COPG2: variants seen among roughly 807,000 people sequenced by gnomAD.
The protein encoded by COPG2 is coat protein complex I subunit gamma 2.
COPG2 carries 37 observed loss-of-function variants against 46.3 expected under a neutral mutation model. The observed-to-expected ratio is 0.80, with a 90% CI of 0.61 to 1.05. COPG2 has a LOEUF of 1.05. COPG2 is among the 50% of genes least tolerant of loss of function. The probability of loss-of-function intolerance (pLI) is 0.00; values close to 1 mark genes in which losing one functional copy is unlikely to be tolerated. For synonymous variants in COPG2, 159 were observed against 129.7 expected (o/e 1.23, Z -1.53); for missense variants, 427 against 387.8 (o/e 1.10, Z -0.85).
chr7:130,534,187 G>T (rs1262365703), intron 20 of COPG2, among the ~76,000 whole-genome samples: 1 of 152,144 alleles, frequency 6.6e-6, no homozygotes, highest in African/African-American at 2.4e-5. Flanking sequence ...GAGGCCCTTA[G>T]GAGAAAATGG....
Position 130,524,406 on chromosome 7 carries a change from A to G in COPG2, c.2150-15747T>C, listed in dbSNP as rs1017302197. Among the ~76,000 whole-genome samples the G allele has an allele frequency of 1.2e-4, 18 of 152,292 alleles. No individual in the cohort carries two copies. In the East Asian group the frequency reaches 2.3e-3, roughly 20 times the overall value. On this transcript the variant is annotated intron_variant, in intron 20 of 23. Coordinates refer to ENST00000425248, the MANE Select transcript of COPG2 (RefSeq NM_012133.6). ...TGCAGTAGAGGAGGAAAGCAGGAGA[A>G]ACGACCAACCTGCGCCCCAGGGGCT...
intron 20 of COPG2, chr7:130,509,366 A>G (rs1554440712): frequency 2.1e-6 from 1 of 467,926 alleles, no homozygotes; most frequent in Admixed American, 2.3e-5. Context: ...GTATTTTCTG[A>G]AATGTTTGAA....
At chr7:130,657,223 TCTC>T (rs1251061220) in intron 4 of COPG2, among the ~76,000 whole-genome samples, 7 of 152,040 alleles carry the variant, frequency 4.6e-5, no homozygotes, top group South Asian at 2.1e-4. Flanking sequence ...ATCTTCATCA[TCTC>T]CTCCCCCTCC....
intron 13 of COPG2, 132 bp from the exon 14 acceptor site, chr7:130,554,856 T>A (rs1793594757): frequency 2.5e-6 from 1 of 397,626 alleles, no homozygotes; most frequent in East Asian, 3.6e-5. Context: ...AAAAGTGTTT[T>A]TTCTCCAAGT....
chr7:130,548,499 C>A lies in COPG2; in HGVS notation c.1881G>T (p.Leu627Phe), dbSNP rs954214225. The stretch of plus-strand genomic sequence containing the variant: ...GTTGAACAGGCTCAGAAGACTTGAA[C>A]AAGGGTCCTATATTCAGAAACTCAG... ...AIPEFLNIGP[L>F]FKSSEPVQLT... Residue 627 changes from leucine (L) to phenylalanine (F), a missense_variant, in exon 19 of 24, where the codon TTG becomes TTT. Transcript: ENST00000425248. 12 of 398,426 alleles carry A rather than the reference C, an allele frequency of 3.0e-5. No homozygotes were observed. Among genetic ancestry groups the A allele is most frequent in the Non-Finnish European group, 2.7e-5 (6 of 226,052 alleles). 24.7% of individuals were successfully genotyped at this position (398,426 alleles called of 1,614,324 possible).
intron 5 of COPG2, among the ~76,000 whole-genome samples, chr7:130,647,024 T>C (rs892689859): frequency 7.7e-5 from 11 of 142,894 alleles, no homozygotes; most frequent in African/African-American, 2.6e-4. Context: ...TATATATATA[T>C]GTGTATATAT....
chr7:130,612,027 C>A (rs967200507), intron 8 of COPG2, 125 bp downstream of exon 8: 2 of 681,548 alleles, frequency 2.9e-6, no homozygotes, highest in African/African-American at 1.8e-5. Flanking sequence ...CTTCAGAATA[C>A]GTACTAGTAG....
At chr7:130,544,928 A>AT (rs1323450619) in intron 20 of COPG2, among the ~76,000 whole-genome samples, 1 of 152,062 alleles carries the variant, frequency 6.6e-6, no homozygotes, top group East Asian at 1.9e-4. Flanking sequence ...GTTAAAGCAA[A>AT]TTTTTTCAGA....
chr7:130,565,892 G>A (rs1793794769), intron 9 of COPG2, among the ~76,000 whole-genome samples: 1 of 151,690 alleles, frequency 6.6e-6, no homozygotes, highest in South Asian at 2.1e-4. Context: ...TAAACCAGCT[G>A]ATGAAAATAA....
intron 5 of COPG2, among the ~76,000 whole-genome samples, chr7:130,638,775 T>A (rs1330045198): frequency 6.6e-6 from 1 of 151,020 alleles, no homozygotes; most frequent in Non-Finnish European, 1.5e-5. Context: ...CACTGAGGTA[T>A]GAAAAAAAAA....
intron 9 of COPG2, 63 bp from the exon 10 acceptor site, chr7:130,564,456 A>G (rs1793770424): frequency 2.5e-6 from 1 of 398,268 alleles, no homozygotes; most frequent in Non-Finnish European, 4.4e-6. Context: ...ATGCATAGGG[A>G]TTAAAAGCAC....
At chr7:130,666,292 T>G (rs947743478) in intron 3 of COPG2, among the ~76,000 whole-genome samples, 1 of 152,232 alleles carries the variant, frequency 6.6e-6, no homozygotes, top group African/African-American at 2.4e-5. Flanking sequence ...GATCTTGCAC[T>G]GTATTTTCAG....
intron 5 of COPG2, among the ~76,000 whole-genome samples, chr7:130,639,447 C>T (rs1392934947): frequency 6.6e-6 from 1 of 152,152 alleles, no homozygotes; most frequent in Non-Finnish European, 1.5e-5. Context: ...TTCCAATCAA[C>T]AGATACCAAC....
chr7:130,600,402 A>G (rs782449961), intron 9 of COPG2, among the ~76,000 whole-genome samples: 5 of 152,188 alleles, frequency 3.3e-5, no homozygotes, highest in Non-Finnish European at 5.9e-5. Context: ...CTGGGACTAC[A>G]GGAACGTGCC....
At chr7:130,659,443 C>T (rs1172176469) in intron 4 of COPG2, among the ~76,000 whole-genome samples, 2 of 148,886 alleles carry the variant, frequency 1.3e-5, no homozygotes. Flanking sequence ...TGTACATAAA[C>T]ATTATGTGCA....
intron 5 of COPG2, among the ~76,000 whole-genome samples, chr7:130,636,927 T>C (rs1221538823): frequency 6.6e-6 from 1 of 152,194 alleles, no homozygotes; most frequent in East Asian, 1.9e-4. Context: ...GGTGGTGACA[T>C]AATCTCTCAG....
chr7:130,556,936 T>A (rs1236261462), intron 12 of COPG2, among the ~76,000 whole-genome samples: 1 of 152,184 alleles, frequency 6.6e-6, no homozygotes, highest in Non-Finnish European at 1.5e-5. Flanking sequence ...CTGAAAGGCA[T>A]TCCCATTGAG....
chr7:130,577,888 G>A (rs1336534682), intron 9 of COPG2, among the ~76,000 whole-genome samples: 1 of 152,018 alleles, frequency 6.6e-6, no homozygotes, highest in Non-Finnish European at 1.5e-5. Flanking sequence ...AGCAGTCTGA[G>A]ATCAAACTGC....
intron 5 of COPG2, among the ~76,000 whole-genome samples, chr7:130,632,526 T>A (rs1420506875): frequency 1.3e-5 from 2 of 152,198 alleles, no homozygotes; most frequent in African/African-American, 4.8e-5. Context: ...TTCTCAAATT[T>A]TTTTTTCGCA....
Sources: allele counts gnomAD v4.1 joint callset (sites outside exome capture counted in the v4.1 genomes callset), GRCh38; gene constraint gnomAD v4.1.1; transcripts MANE v1.5; gene names NCBI Gene and HGNC (gene_info 2026-07-23, HGNC 2026-07-21).